The following GTPBP1 variants were observed in gnomAD, a reference collection of about 807,000 sequenced individuals.
GTPBP1 encodes GTP binding protein 1.
A neutral mutation model predicts 62.0 loss-of-function variants in GTPBP1; 23 were observed. That is an observed-to-expected ratio of 0.37 (90% CI 0.27 to 0.53). GTPBP1 has a LOEUF of 0.53. Among genes scored for constraint, GTPBP1 ranks in the 20% least tolerant of loss-of-function variants. The pLI, the probability that GTPBP1 is intolerant of heterozygous loss-of-function variation, is 0.89. For missense variants in GTPBP1, 640 were observed against 917.3 expected, an observed-to-expected ratio of 0.70 and a Z score of 3.90; for synonymous variants, 344 against 364.4, an observed-to-expected ratio of 0.94 and a Z score of 0.64.
downstream of GTPBP1, among the ~76,000 whole-genome samples, chr22:38,742,099 C>T (rs559245691): frequency 7.3e-5 from 11 of 151,520 alleles, no homozygotes; most frequent in Non-Finnish European, 1.2e-4. Flanking sequence ...GTCGAGATCA[C>T]GCCACTGCAC....
In GTPBP1 at chr22:38,716,519, AAGG is replaced by A. The variant is rs2092671474; in HGVS notation, c.486-127_486-125del. 4 of 666,994 alleles carry A rather than the reference AAGG, an allele frequency of 6.0e-6. No homozygotes were observed. In the East Asian group the frequency reaches 1.1e-4, roughly 18 times the overall value. 41.3% of individuals were successfully genotyped at this position (666,994 alleles called of 1,614,324 possible). A position where few individuals can be genotyped will look rare whatever the true frequency, so the allele number is the denominator to read the frequency against. On this transcript the variant is annotated intron_variant, in intron 3 of 11. Coordinates refer to ENST00000216044, the MANE Select transcript of GTPBP1 (RefSeq NM_004286.5). The surrounding 1 kb of genome is among the most constrained non-coding windows in gnomAD (Gnocchi z 5.2). Reference sequence around the variant, plus strand: ...CCTTCCCACTGTGCTCCTCCGGCTCAAGGAGGAGCTGTGAGCCGGAGGGGATCG... The same window carrying A: ...CCTTCCCACTGTGCTCCTCCGGCTCAAGGAGCTGTGAGCCGGAGGGGATCG...
rs933638738 is a variant in GTPBP1, at chr22:38,717,017, C to G, written c.834+17C>G. On this transcript the variant is annotated intron_variant, in intron 4 of 11. Coordinates refer to ENST00000216044, the MANE Select transcript of GTPBP1 (RefSeq NM_004286.5). Reference sequence around the variant, plus strand: ...ATGCTCATGGTGAGTGGGAGGCGCCCCAAGGAGGGGAGGCGTCAGCAGGGC... The same window carrying G: ...ATGCTCATGGTGAGTGGGAGGCGCCGCAAGGAGGGGAGGCGTCAGCAGGGC... 6.6e-7 allele frequency: 1 copy of G among 1,525,204 alleles called. No individual in the cohort carries two copies. The highest frequency in any genetic ancestry group is 1.4e-5 in the African/African-American group (1 of 73,122). The allele number at this position is 1,525,204 out of a possible 1,614,324, so 94.5% of individuals were successfully genotyped here.
chr22:38,738,275 G>C, downstream of GTPBP1: 1 of 1,611,464 alleles, frequency 6.2e-7, no homozygotes, highest in East Asian at 2.2e-5. This position sits in a 1 kb window ranked among gnomAD's most constrained non-coding sequence, Gnocchi z 6.6. Flanking sequence ...CCTGCAAAGA[G>C]AGCGGAGGGA....
chr22:38,740,494 A>G, downstream of GTPBP1: 1 of 1,402,282 alleles, frequency 7.1e-7, no homozygotes, highest in Non-Finnish European at 9.3e-7. The surrounding 1 kb of genome is among the most constrained non-coding windows in gnomAD (Gnocchi z 4.8). Flanking sequence ...GGCCACACCA[A>G]AGATGAAAGA....
downstream of GTPBP1, chr22:38,737,934 C>T: frequency 1.5e-6 from 1 of 683,776 alleles, no homozygotes; most frequent in Non-Finnish European, 2.7e-6. The surrounding 1 kb of genome is among the most constrained non-coding windows in gnomAD (Gnocchi z 4.1). Flanking sequence ...AGCCCACCTC[C>T]TGGTGTCCTT....
chr22:38,717,113 A>T, intron 4 of GTPBP1, 113 bp downstream of exon 4: 2 of 678,432 alleles, frequency 2.9e-6, no homozygotes, highest in East Asian at 5.3e-5. Context: ...GGGCTTTGAC[A>T]TCGGGTGAGG....
In GTPBP1 at chr22:38,726,120, G is replaced by A; in HGVS notation, c.1188G>A (p.Glu396=). ...RTSYREEEPA[E]FQIDDTYSVP... ...GCTACAGGGAGGAGGAGCCTGCTGA[G>A]TTTCAGATTGATGACACCTACTCCG... Residue 396 remains glutamate (E), a synonymous_variant, in exon 7 of 12, where the codon GAG becomes GAA. Coordinates refer to ENST00000216044, the MANE Select transcript of GTPBP1 (RefSeq NM_004286.5). The surrounding 1 kb of genome is among the most constrained non-coding windows in gnomAD (Gnocchi z 4.1). 6.2e-7 allele frequency: 1 copy of A among 1,614,082 alleles called. No homozygotes were observed. The highest frequency in any genetic ancestry group is 8.5e-7 in the Non-Finnish European group (1 of 1,179,960).
intron 1 of GTPBP1, among the ~76,000 whole-genome samples, chr22:38,708,498 T>C (rs1243205665): frequency 6.6e-6 from 1 of 152,242 alleles, no homozygotes; most frequent in East Asian, 1.9e-4. Flanking sequence ...TAGAAGACTT[T>C]GGCATGTAGA....
At chr22:38,739,955 C>G (rs1159696096), downstream of GTPBP1, 7 of 1,607,482 alleles carry the variant, frequency 4.4e-6, no homozygotes, top group South Asian at 7.7e-5. The surrounding 1 kb of genome is among the most constrained non-coding windows in gnomAD (Gnocchi z 6.7). Flanking sequence ...TATAGGAACC[C>G]AAAGGGGTGT....
Position 38,716,866 on chromosome 22 carries a change from A to G in GTPBP1, c.700A>G (p.Ser234Gly). 6.2e-7 allele frequency: 1 copy of G among 1,614,154 alleles called. No individual in the cohort carries two copies. The highest frequency in any genetic ancestry group is 8.5e-7 in the Non-Finnish European group (1 of 1,179,946). The change falls in exon 4 of 12, where the codon AGC becomes GGC. Residue 234 changes from serine (S) to glycine (G), a missense_variant. By Grantham distance (56) the Ser-to-Gly change is moderately conservative (BLOSUM62 0). Transcript: ENST00000216044. The surrounding 1 kb of genome is among the most constrained non-coding windows in gnomAD (Gnocchi z 5.2). ...VVNKPDSHGG[S>G]LEWTKICEKS... is the part of the protein sequence containing the mutation. ...GAACAAGCCTGACAGCCACGGCGGC[A>G]GCCTGGAGTGGACCAAGATCTGTGA...
Position 38,727,419 on chromosome 22 carries a change from C to G in GTPBP1, c.1537+71C>G. The G allele has an allele frequency of 1.4e-6, 2 of 1,410,468 alleles. No individual in the cohort carries two copies. The highest frequency in any genetic ancestry group is 1.9e-6 in the Non-Finnish European group (2 of 1,055,826). The allele number at this position is 1,410,468 out of a possible 1,614,324, so 87.4% of individuals were successfully genotyped here. ...TCCCCTCAGAAGGTGTTCCAGCAACCCAGGCCCCCTAGTTCCAGCTGCAGC... is the reference window on the plus strand; with the variant it reads ...TCCCCTCAGAAGGTGTTCCAGCAACGCAGGCCCCCTAGTTCCAGCTGCAGC... On this transcript the variant is annotated intron_variant, in intron 9 of 11. Coordinates refer to ENST00000216044, the MANE Select transcript of GTPBP1 (RefSeq NM_004286.5). This position sits in a 1 kb window ranked among gnomAD's most constrained non-coding sequence, Gnocchi z 6.5.
At chr22:38,740,051 G>T, downstream of GTPBP1, 1 of 1,332,020 alleles carries the variant, frequency 7.5e-7, no homozygotes, top group Non-Finnish European at 1.0e-6. This position sits in a 1 kb window ranked among gnomAD's most constrained non-coding sequence, Gnocchi z 4.8. Flanking sequence ...TAGGAGGGAG[G>T]CCACTGGAGG....
chr22:38,730,854 G>T lies in GTPBP1; in HGVS notation c.*150G>T. ...CATTGCCCCCACCCCCATTTTCCAG[G>T]GGGGTTGTAATTTATAAGCTGACGA... On this transcript the variant is annotated 3_prime_UTR_variant, in exon 12 of 12. Coordinates refer to ENST00000216044, the MANE Select transcript of GTPBP1 (RefSeq NM_004286.5). The surrounding 1 kb of genome is among the most constrained non-coding windows in gnomAD (Gnocchi z 5.6). The T allele has an allele frequency of 1.8e-6, 1 of 563,066 alleles. No individual in the cohort carries two copies. The highest frequency in any genetic ancestry group is 2.1e-5 in the South Asian group (1 of 46,640). The allele number at this position is 563,066 out of a possible 1,614,324, so 34.9% of individuals were successfully genotyped here.
intron 1 of GTPBP1, among the ~76,000 whole-genome samples, chr22:38,708,637 A>G (rs1450640060): frequency 6.6e-6 from 1 of 152,196 alleles, no homozygotes; most frequent in African/African-American, 2.4e-5. Context: ...AGACATACAC[A>G]TTGTAGTATA....
intron 10 of GTPBP1, chr22:38,728,671 C>T (rs1336508244): frequency 1.3e-5 from 2 of 156,010 alleles, no homozygotes; most frequent in Non-Finnish European, 1.4e-5. Context: ...AGGTACTGGC[C>T]CCAGCCTATC....
chr22:38,716,617 C>G lies in GTPBP1; in HGVS notation c.486-35C>G. ...TCGCTCCACCTCACTCATTCACTAA[C>G]TCTCACATAGATGTATGGGTTCATC... On this transcript the variant is annotated intron_variant, in intron 3 of 11. Coordinates refer to ENST00000216044, the MANE Select transcript of GTPBP1 (RefSeq NM_004286.5). This position sits in a 1 kb window ranked among gnomAD's most constrained non-coding sequence, Gnocchi z 5.2. 6.8e-7 allele frequency: 1 copy of G among 1,479,690 alleles called. No individual in the cohort carries two copies. Among genetic ancestry groups the G allele is most frequent in the East Asian group, 2.3e-5 (1 of 42,816 alleles). The allele number at this position is 1,479,690 out of a possible 1,614,324, so 91.7% of individuals were successfully genotyped here. A position where few individuals can be genotyped will look rare whatever the true frequency, so the allele number is the denominator to read the frequency against.
At chr22:38,733,882 C>A (rs2092778684), downstream of GTPBP1, among the ~76,000 whole-genome samples, 1 of 152,228 alleles carries the variant, frequency 6.6e-6, no homozygotes, top group Admixed American at 6.5e-5. Flanking sequence ...ATGTGCCCAG[C>A]CCAGGCTCTG....
chr22:38,734,639 G>T, downstream of GTPBP1: 1 of 206,036 alleles, frequency 4.9e-6, no homozygotes. Context: ...AGTCTTTGGG[G>T]ACATTCGTTT....
rs142500906 is a variant in GTPBP1, at chr22:38,708,920, T to A, written c.268T>A (p.Cys90Ser). ...RQMWERMDEG[C>S]GETIYVIGQG... is the part of the protein sequence containing the mutation. ...GATGTGGGAGAGGATGGACGAGGGA[T>A]GCGGAGAGACCATATATGTCATTGG... The change falls in exon 2 of 12, where the codon TGC becomes AGC. Residue 90 changes from cysteine (C) to serine (S), a missense_variant. Cys to Ser is a moderately radical substitution (Grantham distance 112). This residue lies in a region of GTPBP1 where 215 missense variants were observed against 235.1 expected (regional missense o/e 0.91). Transcript: ENST00000216044. The A allele has an allele frequency of 1.9e-6, 3 of 1,606,128 alleles. No individual in the cohort carries two copies. The highest frequency in any genetic ancestry group is 1.7e-5 in the Admixed American group (1 of 60,000).
Sources: gnomAD v4.1 joint callset for allele counts (sites outside exome capture counted in the v4.1 genomes callset) on GRCh38, gnomAD v4.1.1 for gene constraint, gnomAD v4.1.1 regional missense constraint, Gnocchi (gnomAD v3.1) non-coding constraint, MANE v1.5 for transcripts, NCBI Gene and HGNC (gene_info 2026-07-23, HGNC 2026-07-21) for gene names.